AQR: variants seen among roughly 807,000 people sequenced by gnomAD.
AQR encodes the protein aquarius intron-binding spliceosomal factor.
Under a neutral mutation model 180.5 loss-of-function variants are expected in AQR, and 61 were observed. The ratio of observed to expected loss-of-function variants is 0.34; its 90% CI spans 0.28 to 0.42. The LOEUF (loss-of-function observed/expected upper bound fraction) is 0.42, where lower values mean the gene tolerates loss of function less well. Ranked by LOEUF, AQR falls within the 10% of genes least tolerant of loss-of-function variation. AQR has a pLI of 1.00. For synonymous variants in AQR, 551 were observed against 588.8 expected (o/e 0.94, Z 0.93); for missense variants, 1,281 against 1,798.3 (o/e 0.71, Z 5.20).
intron 13 of AQR, among the ~76,000 whole-genome samples, chr15:34,925,305 G>C (rs944566074): frequency 2.0e-5 from 3 of 152,098 alleles, no homozygotes; most frequent in Non-Finnish European, 2.9e-5. Flanking sequence ...AAAGTAAAAT[G>C]AGATAAAAAT....
chr15:34,893,975 G>T (rs1893193629), intron 22 of AQR, among the ~76,000 whole-genome samples: 1 of 151,862 alleles, frequency 6.6e-6, no homozygotes, highest in Admixed American at 6.6e-5. Context: ...CAGAAAAAAA[G>T]ATTAAAAAAA....
intron 20 of AQR, among the ~76,000 whole-genome samples, chr15:34,898,271 T>C (rs1893278558): frequency 1.3e-5 from 2 of 152,142 alleles, no homozygotes; most frequent in African/African-American, 4.8e-5. Context: ...AGGAGGTAAC[T>C]CCCCACAGAT....
chr15:34,916,882 CAAAAAAAAAA>C (rs71119988), intron 15 of AQR, among the ~76,000 whole-genome samples: 4 of 79,236 alleles, frequency 5.0e-5, no homozygotes, highest in Admixed American at 1.4e-4. Flanking sequence ...TTCAGCAGAA[CAAAAAAAAAA>C]AAAAAAAAAG....
At chr15:34,947,721 C>T (rs1338393026) in intron 5 of AQR, among the ~76,000 whole-genome samples, 1 of 151,936 alleles carries the variant, frequency 6.6e-6, no homozygotes, top group East Asian at 1.9e-4. Flanking sequence ...TTCATTGCAG[C>T]CTCGAACTCC....
intron 15 of AQR, 49 bp downstream of exon 15, chr15:34,918,209 A>G (rs747461860): frequency 1.3e-6 from 2 of 1,591,252 alleles, no homozygotes; most frequent in South Asian, 2.3e-5. Flanking sequence ...TATATGATAA[A>G]TCTGAAATTG....
intron 2 of AQR, among the ~76,000 whole-genome samples, chr15:34,962,382 G>C (rs1336307984): frequency 1.3e-5 from 2 of 152,096 alleles, no homozygotes; most frequent in African/African-American, 2.4e-5. Flanking sequence ...AGTGGTAAAG[G>C]GAGGGAGGCG....
At chr15:34,870,659 A>G in intron 31 of AQR, 93 bp downstream of exon 31, 1 of 1,076,012 alleles carries the variant, frequency 9.3e-7, no homozygotes, top group Non-Finnish European at 1.3e-6. Context: ...AATATCTTAA[A>G]AAGAGATAGC....
At chr15:34,875,858 A>C in intron 28 of AQR, 77 bp downstream of exon 28, 1 of 1,176,686 alleles carries the variant, frequency 8.5e-7, no homozygotes, top group Non-Finnish European at 1.3e-6. Context: ...AGCACACCCA[A>C]ACTGTACAAC....
At position 34,929,480 on chromosome 15, in the gene AQR, T is replaced by A. The variant is rs1893816790; in HGVS notation, c.1014+778A>T. 3.9e-5 allele frequency among the ~76,000 whole-genome samples: 6 copies of A among 152,204 alleles called. No homozygotes were observed. In the South Asian group the frequency reaches 1.2e-3, roughly 32 times the overall value. ...CCATTGCTTGTTTTTGTCAGGTTTG[T>A]CAAAGATCAGATGGTTGCAGATGTG... On this transcript the variant is annotated intron_variant, in intron 12 of 34. Coordinates refer to ENST00000156471, the MANE Select transcript of AQR (RefSeq NM_014691.3).
At chr15:34,871,506 C>CA (rs916025647) in intron 30 of AQR, among the ~76,000 whole-genome samples, 4,214 of 61,746 alleles carry the variant, frequency 0.068, 133 homozygotes, top group East Asian at 0.15. Context: ...ATCTCATCTC[C>CA]AAAAAAAAAA....
At chr15:34,858,736 G>A (rs1214571159) in intron 34 of AQR, among the ~76,000 whole-genome samples, 1 of 152,148 alleles carries the variant, frequency 6.6e-6, no homozygotes, top group African/African-American at 2.4e-5. Flanking sequence ...ATGGCAAAGG[G>A]ACGGATATAC....
At chr15:34,857,194 C>T in intron 34 of AQR, 88 bp from the exon 35 acceptor site, 1 of 1,275,884 alleles carries the variant, frequency 7.8e-7, no homozygotes, top group Middle Eastern at 2.1e-4. Context: ...TAGAGTTCTC[C>T]AAAACAGTGC....
intron 28 of AQR, 115 bp downstream of exon 28, chr15:34,875,820 T>A: frequency 1.4e-6 from 1 of 716,408 alleles, no homozygotes; most frequent in Non-Finnish European, 2.3e-6. Flanking sequence ...CATAATGAAG[T>A]TAAGGAAAAT....
rs147553608 is a variant in AQR at position 34,857,225 on chromosome 15, T to C, written c.4144-119A>G. The C allele has an allele frequency of 1.6e-4, 140 of 880,094 alleles. 1 individual carries two copies. In the East Asian group the frequency reaches 3.4e-3, roughly 22 times the overall value. 54.5% of individuals were successfully genotyped at this position (880,094 alleles called of 1,614,324 possible). ...AGTGCTGACCATTTTATACTCCAGATGTAACACCTCTGATGACAATGGTCT... is the reference window on the plus strand; with the variant it reads ...AGTGCTGACCATTTTATACTCCAGACGTAACACCTCTGATGACAATGGTCT... On this transcript the variant is annotated intron_variant, in intron 34 of 34. Transcript: ENST00000156471.
chr15:34,955,311 TTATG>T (rs1307382626), intron 3 of AQR, among the ~76,000 whole-genome samples: 2 of 152,100 alleles, frequency 1.3e-5, no homozygotes, highest in African/African-American at 4.8e-5. Flanking sequence ...GTTGAATAAT[TTATG>T]TATGATAAAC....
chr15:34,928,620 AAT>A (rs1893802742), intron 12 of AQR, among the ~76,000 whole-genome samples: 1 of 152,074 alleles, frequency 6.6e-6, no homozygotes, highest in African/African-American at 2.4e-5. Flanking sequence ...CCATGTCTTT[AAT>A]ACTATAAATA....
At chr15:34,901,738 T>C (rs1893334983) in intron 19 of AQR, among the ~76,000 whole-genome samples, 1 of 152,198 alleles carries the variant, frequency 6.6e-6, no homozygotes, top group Non-Finnish European at 1.5e-5. Flanking sequence ...GTACCTGACA[T>C]TCTCTTGTTC....
chr15:34,858,057 C>T (rs1892615527), intron 34 of AQR, among the ~76,000 whole-genome samples: 1 of 152,080 alleles, frequency 6.6e-6, no homozygotes, highest in South Asian at 2.1e-4. Context: ...CATCTTGGCT[C>T]ACTGCAACCT....
At chr15:34,901,120 G>T (rs1893326062) in intron 19 of AQR, among the ~76,000 whole-genome samples, 1 of 152,100 alleles carries the variant, frequency 6.6e-6, no homozygotes, top group South Asian at 2.1e-4. Flanking sequence ...TAGACAGAAT[G>T]ACATAAATAA....
Sources: gnomAD v4.1 joint callset for allele counts (sites outside exome capture counted in the v4.1 genomes callset) on GRCh38, gnomAD v4.1.1 for gene constraint, MANE v1.5 for transcripts, NCBI Gene and HGNC (gene_info 2026-07-23, HGNC 2026-07-21) for gene names.